Variants in CHSY1 observed in about 807,000 individuals in gnomAD.
CHSY1 encodes chondroitin sulfate synthase 1, also known as N-acetylgalactosaminyl-proteoglycan 3-beta-glucuronosyltransferase 1.
A neutral mutation model predicts 59.8 loss-of-function variants in CHSY1; 13 were observed. The observed-to-expected ratio is 0.22, with a 90% CI of 0.14 to 0.35. The LOEUF is 0.35. CHSY1 is among the 10% of genes least tolerant of loss of function. The probability of loss-of-function intolerance (pLI) is 1.00; values close to 1 mark genes in which losing one functional copy is unlikely to be tolerated. For missense variants in CHSY1, 947 were observed against 1,030.6 expected, an observed-to-expected ratio of 0.92 and a Z score of 1.11; for synonymous variants, 459 against 401.2, an observed-to-expected ratio of 1.14 and a Z score of -1.72.
chr15:101,238,127 T>C (rs2038965712), intron 1 of CHSY1, among the ~76,000 whole-genome samples: 2 of 152,224 alleles, frequency 1.3e-5, no homozygotes, highest in African/African-American at 4.8e-5. Context: ...ACTGCATAAG[T>C]ATCATATTGT....
At chr15:101,233,162 C>T (rs1206518560) in intron 2 of CHSY1, among the ~76,000 whole-genome samples, 2 of 152,288 alleles carry the variant, frequency 1.3e-5, no homozygotes, top group Non-Finnish European at 2.9e-5. Context: ...TTTGTGATTA[C>T]CTCCCGTCAG....
intron 1 of CHSY1, among the ~76,000 whole-genome samples, chr15:101,238,363 C>G (rs1214875081): frequency 1.3e-5 from 2 of 152,142 alleles, no homozygotes; most frequent in African/African-American, 4.8e-5. Context: ...GCTTTTATTT[C>G]TCTTCCAAAC....
At chr15:101,238,782 C>T (rs1257461548) in intron 1 of CHSY1, among the ~76,000 whole-genome samples, 1 of 152,186 alleles carries the variant, frequency 6.6e-6, no homozygotes, top group Non-Finnish European at 1.5e-5. Flanking sequence ...ATTCATTCCA[C>T]GGTTATTAAC....
intron 2 of CHSY1, among the ~76,000 whole-genome samples, chr15:101,186,147 CAA>C (rs35398576): frequency 8.8e-5 from 7 of 79,578 alleles, no homozygotes; most frequent in East Asian, 3.9e-4. Context: ...TTGTCTCTAC[CAA>C]AAAAAAAAAA....
chr15:101,206,183 T>C (rs1304439497), intron 2 of CHSY1, among the ~76,000 whole-genome samples: 3 of 152,064 alleles, frequency 2.0e-5, no homozygotes, highest in Non-Finnish European at 2.9e-5. Context: ...CGGGTGAGCC[T>C]CTGAGGCGAG....
intron 1 of CHSY1, among the ~76,000 whole-genome samples, chr15:101,244,447 G>A (rs977560806): frequency 6.6e-6 from 1 of 152,202 alleles, no homozygotes. Flanking sequence ...TCTGTGCCTA[G>A]CGGACCTCCA....
chr15:101,206,094 T>C (rs999581051), intron 2 of CHSY1, among the ~76,000 whole-genome samples: 3 of 152,228 alleles, frequency 2.0e-5, no homozygotes, highest in African/African-American at 7.2e-5. Context: ...ATTTTTGATA[T>C]ATGCTTCATA....
intron 2 of CHSY1, chr15:101,189,561 G>A: frequency 1.5e-6 from 1 of 683,958 alleles, no homozygotes; most frequent in East Asian, 1.3e-4. Flanking sequence ...CTGAAGTGCT[G>A]GCAACCAGTT....
intron 2 of CHSY1, among the ~76,000 whole-genome samples, chr15:101,183,604 A>T (rs1042588110): frequency 6.6e-6 from 1 of 152,246 alleles, no homozygotes; most frequent in African/African-American, 2.4e-5. Context: ...TAAAGCAAGG[A>T]AAGAAAGCTG....
In CHSY1 at chr15:101,251,521, C is replaced by T. The variant is rs1386778565; in HGVS notation, c.-65G>A. ...CCGCGCGCCCTCAGCCCGCTGCCCC[C>T]GCCCGCGGAGGCCAGCCCGCCCTAG... On this transcript the variant is annotated 5_prime_UTR_variant, in exon 1 of 3. Coordinates refer to ENST00000254190, the MANE Select transcript of CHSY1 (RefSeq NM_014918.5). 9.5e-6 allele frequency: 3 copies of T among 315,374 alleles called. No homozygotes were observed. The highest frequency in any genetic ancestry group is 2.2e-4 in the South Asian group (2 of 9,090). 19.5% of individuals were successfully genotyped at this position (315,374 alleles called of 1,614,324 possible). A position where few individuals can be genotyped will look rare whatever the true frequency, so the allele number is the denominator to read the frequency against.
At position 101,176,595 on chromosome 15, in the gene CHSY1, G is replaced by C; in HGVS notation, c.*793C>G. On this transcript the variant is annotated 3_prime_UTR_variant, in exon 3 of 3. Coordinates refer to ENST00000254190, the MANE Select transcript of CHSY1 (RefSeq NM_014918.5). Reference sequence around the variant, plus strand: ...CGCCCCTTGCTTTAAAACCTACGTGGCCAGCTGGGCTTGCATGGTGAAACC... The same window carrying C: ...CGCCCCTTGCTTTAAAACCTACGTGCCCAGCTGGGCTTGCATGGTGAAACC... 1 of 391,024 alleles carries C rather than the reference G, an allele frequency of 2.6e-6. No homozygotes were observed. The highest frequency in any genetic ancestry group is 4.5e-6 in the Non-Finnish European group (1 of 221,850). The allele number at this position is 391,024 out of a possible 1,614,324, so 24.2% of individuals were successfully genotyped here.
rs372414536 is a variant in CHSY1 at position 101,178,079 on chromosome 15, T to C, written c.1718A>G (p.Asn573Ser). Residue 573 changes from asparagine (N) to serine (S), a missense_variant, in exon 3 of 3, where the codon AAT becomes AGT. Physicochemically the swap from Asn to Ser is conservative, Grantham distance 46. Transcript: ENST00000254190. ...QNVKLVVLLF[N>S]SDSNPDKAKQ... ...GGCCTTGTCAGGGTTGGAGTCAGAATTGAAAAGCAGAACCACGAGCTTGAC... is the reference window on the plus strand; with the variant it reads ...GGCCTTGTCAGGGTTGGAGTCAGAACTGAAAAGCAGAACCACGAGCTTGAC... 2.9e-5 allele frequency: 46 copies of C among 1,614,026 alleles called. No homozygotes were observed. The East Asian group carries it at 4.0e-4, about 14-fold the overall frequency.
chr15:101,228,802 G>T (rs956058122), intron 2 of CHSY1, among the ~76,000 whole-genome samples: 1 of 152,114 alleles, frequency 6.6e-6, no homozygotes, highest in Non-Finnish European at 1.5e-5. Flanking sequence ...CCCCATAAGG[G>T]TAACTACATA....
rs2038400224 is a variant in CHSY1, at chr15:101,188,466, T to G, written c.817-9486A>C. Among the ~76,000 whole-genome samples the G allele has an allele frequency of 2.6e-5, 4 of 152,316 alleles. No individual in the cohort carries two copies. In the South Asian group the frequency reaches 8.3e-4, roughly 32 times the overall value. Reference sequence around the variant, plus strand: ...CTCAGGACGCATGGTTATCCCACTGTCCCTGCTAGGTCTTTCCTAATTAGT... The same window carrying G: ...CTCAGGACGCATGGTTATCCCACTGGCCCTGCTAGGTCTTTCCTAATTAGT... On this transcript the variant is annotated intron_variant, in intron 2 of 2. Coordinates refer to ENST00000254190, the MANE Select transcript of CHSY1 (RefSeq NM_014918.5).
chr15:101,190,408 G>A (rs2038428680), intron 2 of CHSY1, among the ~76,000 whole-genome samples: 1 of 152,144 alleles, frequency 6.6e-6, no homozygotes, highest in Non-Finnish European at 1.5e-5. Context: ...AACCCTTGGG[G>A]CTGGAACAAC....
intron 2 of CHSY1, among the ~76,000 whole-genome samples, chr15:101,219,206 C>CA (rs1309137486): frequency 6.6e-6 from 1 of 152,194 alleles, no homozygotes; most frequent in East Asian, 1.9e-4. Flanking sequence ...CTATTTATTA[C>CA]AAAGGCTTAA....
chr15:101,238,982 G>A (rs570359224), intron 1 of CHSY1, among the ~76,000 whole-genome samples: 98 of 152,270 alleles, frequency 6.4e-4, no homozygotes, highest in African/African-American at 2.1e-3. Flanking sequence ...CTTCTGATGC[G>A]GTGACATATG....
intron 2 of CHSY1, among the ~76,000 whole-genome samples, chr15:101,219,191 A>G (rs1461074546): frequency 6.6e-6 from 1 of 152,220 alleles, no homozygotes; most frequent in Non-Finnish European, 1.5e-5. Flanking sequence ...CACCCCCAAA[A>G]AAATCTATTT....
intron 1 of CHSY1, chr15:101,242,452 T>C (rs1445941907): frequency 6.6e-6 from 1 of 152,218 alleles, no homozygotes; most frequent in Admixed American, 6.5e-5. Flanking sequence ...CCATGAGAAG[T>C]CACGAGACTG....
Sources: gnomAD v4.1 joint callset for allele counts (sites outside exome capture counted in the v4.1 genomes callset) on GRCh38, gnomAD v4.1.1 for gene constraint, MANE v1.5 for transcripts, NCBI Gene and HGNC (gene_info 2026-07-23, HGNC 2026-07-21) for gene names.